Variants in MMS19 observed in about 807,000 individuals in gnomAD.
MMS19 encodes MMS19 cytosolic iron-sulfur assembly component.
In MMS19, 77 loss-of-function variants were observed where a neutral mutation model predicts 129.8. That is an observed-to-expected ratio of 0.59 (90% CI 0.49 to 0.72). The LOEUF is 0.72. Among genes scored for constraint, MMS19 ranks in the 30% least tolerant of loss-of-function variants. The pLI is 0.00. For synonymous variants in MMS19, 491 were observed against 502.8 expected (o/e 0.98, Z 0.31); for missense variants, 1,168 against 1,266.3 (o/e 0.92, Z 1.18).
At position 97,481,010 on chromosome 10, in the gene MMS19, C is replaced by T. The variant is rs748870908; in HGVS notation, c.194G>A (p.Arg65Gln). ...TGACAAAAGCTGGATTGCTCGTGCC[C>T]GAGTTCGGGGTTCTGGATTCTCTAG... ...SSLENPEPRT[R>Q]ARAIQLLSQV... Residue 65 changes from arginine (R) to glutamine (Q), a missense_variant, in exon 3 of 31, where the codon CGG (arginine) becomes CAG (glutamine). Physicochemically the swap from Arg to Gln is conservative, Grantham distance 43. Coordinates refer to ENST00000438925, the MANE Select transcript of MMS19 (RefSeq NM_022362.5). 96 of 1,608,054 alleles carry T rather than the reference C, an allele frequency of 6.0e-5. 1 individual carries two copies. The highest frequency in any genetic ancestry group is 1.3e-4 in the African/African-American group (10 of 74,788).
At chr10:97,487,314 ATTTCTTT>A (rs768045572) in intron 1 of MMS19, among the ~76,000 whole-genome samples, 1 of 109,286 alleles carries the variant, frequency 9.2e-6, no homozygotes, top group South Asian at 3.2e-4. Flanking sequence ...ATATGAGAAA[ATTTCTTT>A]TTTTTTTTTT....
At chr10:97,474,669 C>G (rs1041294166) in intron 8 of MMS19, among the ~76,000 whole-genome samples, 8 of 152,144 alleles carry the variant, frequency 5.3e-5, no homozygotes, top group African/African-American at 1.9e-4. Flanking sequence ...TAATTAATAT[C>G]TTGATAAGAG....
At chr10:97,477,205 A>T in intron 6 of MMS19, 142 bp downstream of exon 6, 1 of 1,511,834 alleles carries the variant, frequency 6.6e-7, no homozygotes, top group Non-Finnish European at 8.8e-7. Flanking sequence ...ACTGGGAGGG[A>T]GCAGACCCCC....
At position 97,459,349 on chromosome 10, in the gene MMS19, G is replaced by C; in HGVS notation, c.2904+13C>G. 1 of 1,608,504 alleles carries C rather than the reference G, an allele frequency of 6.2e-7. No homozygotes were observed. The highest frequency in any genetic ancestry group is 1.7e-4 in the Middle Eastern group (1 of 6,056). ...AGATGCTGGTGCCTAAGAGTTGCTGGGGCTCAACGCACCATGGAAGGGCTA... is the reference window on the plus strand; with the variant it reads ...AGATGCTGGTGCCTAAGAGTTGCTGCGGCTCAACGCACCATGGAAGGGCTA... On this transcript the variant is annotated intron_variant, in intron 28 of 30. Coordinates refer to ENST00000438925, the MANE Select transcript of MMS19 (RefSeq NM_022362.5).
intron 17 of MMS19, 48 bp downstream of exon 17, chr10:97,466,011 A>G (rs2033400217): frequency 6.2e-7 from 1 of 1,612,026 alleles, no homozygotes; most frequent in African/African-American, 1.3e-5. Flanking sequence ...CGAAGGCCCC[A>G]AAGCCTTGCT....
At chr10:97,462,893 CT>C in intron 19 of MMS19, 1 of 567,598 alleles carries the variant, frequency 1.8e-6, no homozygotes, top group Non-Finnish European at 3.1e-6. Context: ...CTCCTGAGAA[CT>C]CTGCACAGTC....
intron 18 of MMS19, 50 bp downstream of exon 18, chr10:97,465,754 CT>C: frequency 6.4e-7 from 1 of 1,563,714 alleles, no homozygotes; most frequent in Non-Finnish European, 8.7e-7. Flanking sequence ...GCCTTAGAGA[CT>C]ACAGCTCCCT....
intron 1 of MMS19, among the ~76,000 whole-genome samples, chr10:97,494,907 G>A (rs1029568002): frequency 1.3e-5 from 2 of 152,162 alleles, no homozygotes; most frequent in African/African-American, 4.8e-5. Context: ...TGTACCTACT[G>A]ATGCCAATTT....
At position 97,469,063 on chromosome 10, in the gene MMS19, C is replaced by T. The variant is rs758835875; in HGVS notation, c.966G>A (p.Leu322=). 3.7e-5 allele frequency: 59 copies of T among 1,582,258 alleles called. No homozygotes were observed. The highest frequency in any genetic ancestry group is 4.8e-5 in the Non-Finnish European group (56 of 1,165,748). ...TASERVEAEG[L]AALHSLTACL... is the part of the protein sequence containing the mutation. ...ACGCAGTCAGGGAGTGGAGGGCCGCCAGGCCCTCTGCCTCCACCCGCTCAC... is the reference window on the plus strand; with the variant it reads ...ACGCAGTCAGGGAGTGGAGGGCCGCTAGGCCCTCTGCCTCCACCCGCTCAC... Residue 322 remains leucine, a synonymous_variant, in exon 12 of 31, where the codon CTG becomes CTA. Coordinates refer to ENST00000438925, the MANE Select transcript of MMS19 (RefSeq NM_022362.5).
chr10:97,498,512 G>A, upstream of MMS19: 1 of 1,388,894 alleles, frequency 7.2e-7, no homozygotes, highest in South Asian at 1.3e-5. Flanking sequence ...CGTGCCTGCC[G>A]GCTTCTGCCT....
intron 13 of MMS19, among the ~76,000 whole-genome samples, chr10:97,468,045 G>T (rs2033901715): frequency 6.6e-6 from 1 of 151,786 alleles, no homozygotes; most frequent in Non-Finnish European, 1.5e-5. Flanking sequence ...TGAACTCCTG[G>T]CTTCAAGCTA....
intron 13 of MMS19, 73 bp downstream of exon 13, chr10:97,468,179 T>C (rs1256535879): frequency 9.8e-6 from 14 of 1,433,522 alleles, no homozygotes; most frequent in African/African-American, 1.4e-5. Context: ...AAGCTAAAAC[T>C]TAGCTCACTC....
rs192421497 is a variant in MMS19 at position 97,486,679 on chromosome 10, G to A, written c.113-2528C>T. 9.9e-5 allele frequency among the ~76,000 whole-genome samples: 15 copies of A among 151,764 alleles called. No individual in the cohort carries two copies. In the East Asian group the frequency reaches 1.9e-3, roughly 20 times the overall value. On this transcript the variant is annotated intron_variant, in intron 1 of 30. Coordinates refer to ENST00000438925, the MANE Select transcript of MMS19 (RefSeq NM_022362.5). ...AAAATGGGGAGAAATTGGTAAAAGCGTTTTTTAAAACAAGCACTAATGAAG... is the reference window on the plus strand; with the variant it reads ...AAAATGGGGAGAAATTGGTAAAAGCATTTTTTAAAACAAGCACTAATGAAG...
chr10:97,498,587 T>A, upstream of MMS19: 1 of 581,374 alleles, frequency 1.7e-6, no homozygotes. Context: ...AGGCGGCTGC[T>A]GGGCACGCAG....
chr10:97,477,811 G>C, intron 5 of MMS19, 44 bp downstream of exon 5: 15 of 1,379,140 alleles, frequency 1.1e-5, no homozygotes, highest in Non-Finnish European at 1.5e-5. Context: ...TTATGTCAAG[G>C]GGTAGAGACA....
Position 97,458,432 on chromosome 10 carries a change from C to T in MMS19, c.*260G>A. On this transcript the variant is annotated 3_prime_UTR_variant, in exon 31 of 31. Transcript: ENST00000438925. ...CCCTCAGCAGCATATCGCCCCTTTT[C>T]TGACATATAAATGCAAGAGACCCAG... The T allele has an allele frequency of 2.0e-6, 1 of 489,814 alleles. No homozygotes were observed. Among genetic ancestry groups the T allele is most frequent in the South Asian group, 3.4e-5 (1 of 29,488 alleles). 30.3% of individuals were successfully genotyped at this position (489,814 alleles called of 1,614,324 possible).
chr10:97,491,978 T>C (rs1226386971), intron 1 of MMS19, among the ~76,000 whole-genome samples: 3 of 150,930 alleles, frequency 2.0e-5, no homozygotes, highest in Admixed American at 2.0e-4. Flanking sequence ...CTGTCTCTAC[T>C]AACACAAAAA....
intron 1 of MMS19, among the ~76,000 whole-genome samples, chr10:97,496,611 G>A (rs1335346422): frequency 6.6e-6 from 1 of 150,836 alleles, no homozygotes; most frequent in Non-Finnish European, 1.5e-5. Context: ...AATATGTTCT[G>A]AATCAAAAAA....
intron 8 of MMS19, among the ~76,000 whole-genome samples, chr10:97,472,490 T>C (rs1042463354): frequency 6.6e-6 from 1 of 152,240 alleles, no homozygotes; most frequent in African/African-American, 2.4e-5. Flanking sequence ...TCCGCCTGCC[T>C]TGGCCTTTCG....
Sources: allele counts gnomAD v4.1 joint callset (sites outside exome capture counted in the v4.1 genomes callset), GRCh38; gene constraint gnomAD v4.1.1; transcripts MANE v1.5; gene names NCBI Gene and HGNC (gene_info 2026-07-23, HGNC 2026-07-21).